ADGRV1: variants seen among roughly 807,000 people sequenced by gnomAD.
The protein encoded by ADGRV1 is adhesion G protein-coupled receptor V1.
In ADGRV1, 359 loss-of-function variants were observed where a neutral mutation model predicts 596.2. That is an observed-to-expected ratio of 0.60 (90% CI 0.55 to 0.66). ADGRV1 has a LOEUF of 0.66. Ranked by LOEUF, ADGRV1 falls within the 30% of genes least tolerant of loss-of-function variation. ADGRV1 has a pLI of 0.00. For missense variants in ADGRV1, 7,274 were observed against 7,575.6 expected (o/e 0.96, Z 1.48); for synonymous variants, 2,681 against 2,679.2 (o/e 1.00, Z -0.02).
At chr5:90,742,335 T>C (rs1277336218) in intron 50 of ADGRV1, among the ~76,000 whole-genome samples, 1 of 152,124 alleles carries the variant, frequency 6.6e-6, no homozygotes, top group East Asian at 1.9e-4. Context: ...GAGAATTATA[T>C]GTTGAGTAGG....
At chr5:90,690,110 G>T in intron 30 of ADGRV1, 34 bp downstream of exon 30, 1 of 1,168,234 alleles carries the variant, frequency 8.6e-7, no homozygotes, top group Non-Finnish European at 1.3e-6. Context: ...TCTTTGACTT[G>T]TCTGCATGTA....
intron 85 of ADGRV1, among the ~76,000 whole-genome samples, chr5:91,068,164 A>G (rs1162385456): frequency 6.6e-6 from 1 of 152,180 alleles, no homozygotes; most frequent in Non-Finnish European, 1.5e-5. Context: ...AATTAGAAAT[A>G]GTATCTGAGT....
At chr5:90,879,957 A>G (rs78456699) in intron 83 of ADGRV1, among the ~76,000 whole-genome samples, 2,436 of 152,136 alleles carry the variant, frequency 0.016, 67 homozygotes, top group African/African-American at 0.056. Flanking sequence ...TCTCAAAATA[A>G]CAATAATAAT....
At chr5:90,647,405 C>G (rs911510253) in intron 16 of ADGRV1, 93 bp from the exon 17 acceptor site, 9 of 1,322,982 alleles carry the variant, frequency 6.8e-6, no homozygotes, top group Non-Finnish European at 7.3e-6. Flanking sequence ...TACAAGGCTT[C>G]TCTCTTGGAG....
At chr5:90,980,024 A>C (rs1779958197) in intron 84 of ADGRV1, among the ~76,000 whole-genome samples, 1 of 152,198 alleles carries the variant, frequency 6.6e-6, no homozygotes, top group Admixed American at 6.5e-5. Context: ...TGTAATAGGA[A>C]ATTTTCAAAA....
chr5:90,685,347 C>T (rs1436919917), intron 28 of ADGRV1, among the ~76,000 whole-genome samples: 1 of 152,052 alleles, frequency 6.6e-6, no homozygotes, highest in African/African-American at 2.4e-5. Context: ...CTTTGGGAGG[C>T]CGAGGCAGGC....
intron 86 of ADGRV1, among the ~76,000 whole-genome samples, chr5:91,078,889 CA>C (rs1789083896): frequency 6.6e-6 from 1 of 152,334 alleles, no homozygotes; most frequent in South Asian, 2.1e-4. Context: ...TTGAAGCAGT[CA>C]GTAGCTGAAA....
intron 21 of ADGRV1, among the ~76,000 whole-genome samples, chr5:90,661,057 G>T (rs1770210933): frequency 6.6e-6 from 1 of 152,174 alleles, no homozygotes; most frequent in Non-Finnish European, 1.5e-5. Flanking sequence ...TTCCAAGTGG[G>T]ATCTGTATTG....
At position 90,608,776 on chromosome 5, in the gene ADGRV1, A is replaced by G. The variant is rs1762400879; in HGVS notation, c.23-6059A>G. On this transcript the variant is annotated intron_variant, in intron 1 of 89. Transcript: ENST00000405460. ...GGATGAAACACAGGAAAGGATTCAAAGAGATTCCAGGATGATAGAAACAAG... is the reference window on the plus strand; with the variant it reads ...GGATGAAACACAGGAAAGGATTCAAGGAGATTCCAGGATGATAGAAACAAG... Among the ~76,000 whole-genome samples the G allele has an allele frequency of 2.6e-5, 4 of 152,208 alleles. No homozygotes were observed. In the South Asian group the frequency reaches 6.2e-4, roughly 24 times the overall value.
At position 90,653,190 on chromosome 5, in the gene ADGRV1, A is replaced by G; in HGVS notation, c.3635-19A>G. 1 of 1,568,838 alleles carries G rather than the reference A, an allele frequency of 6.4e-7. No individual in the cohort carries two copies. Among genetic ancestry groups the G allele is most frequent in the Non-Finnish European group, 8.6e-7 (1 of 1,157,536 alleles). On this transcript the variant is annotated intron_variant, in intron 19 of 89. Transcript: ENST00000405460. ...TACTTGAAATTCTAGTTTCTCACTC[A>G]TAAATTTTCTTGTTACAGGTGGATC...
chr5:90,966,503 G>A (rs1367058723), intron 84 of ADGRV1, among the ~76,000 whole-genome samples: 1 of 136,762 alleles, frequency 7.3e-6, no homozygotes, highest in Non-Finnish European at 1.5e-5. Flanking sequence ...TTGCACTCCA[G>A]CCTGGGCGAG....
chr5:90,711,840 G>T (rs1310872398), intron 41 of ADGRV1, among the ~76,000 whole-genome samples: 1 of 152,042 alleles, frequency 6.6e-6, no homozygotes, highest in Non-Finnish European at 1.5e-5. Context: ...GCAGTGGTGC[G>T]ATCTCGGCTC....
chr5:90,720,965 T>C lies in ADGRV1; in HGVS notation c.9654T>C (p.Asn3218=). The change falls in exon 45 of 90, where the codon AAT becomes AAC. Residue 3218 remains asparagine (N), a synonymous_variant. Coordinates refer to ENST00000405460, the MANE Select transcript of ADGRV1 (RefSeq NM_032119.4). ...RATSIDIEEA[N]RTVYLNVSRT... is the part of the protein sequence containing the mutation. ...CCTCCATAGACATCGAAGAAGCCAA[T>C]AGGACCGTGTATTTAAATGTATCTC... The C allele has an allele frequency of 1.2e-6, 2 of 1,612,154 alleles. No individual in the cohort carries two copies. The highest frequency in any genetic ancestry group is 1.7e-6 in the Non-Finnish European group (2 of 1,178,700).
chr5:91,034,817 G>C lies in ADGRV1; in HGVS notation c.18153-37630G>C, dbSNP rs77224964. On this transcript the variant is annotated intron_variant, in intron 85 of 89. Coordinates refer to ENST00000405460, the MANE Select transcript of ADGRV1 (RefSeq NM_032119.4). Reference sequence around the variant, plus strand: ...TGGTGGACATCCTCTTTATCCCCCTGTTATGTTGCCAAGGCTGGAGTGCAG... The same window carrying C: ...TGGTGGACATCCTCTTTATCCCCCTCTTATGTTGCCAAGGCTGGAGTGCAG... 3.7e-3 allele frequency among the ~76,000 whole-genome samples: 556 copies of C among 152,228 alleles called. 3 individuals carry two copies. Among genetic ancestry groups the C allele is most frequent in the African/African-American group, 0.013 (533 of 41,542 alleles).
chr5:91,043,863 C>G (rs542358739), intron 85 of ADGRV1, among the ~76,000 whole-genome samples: 1 of 151,740 alleles, frequency 6.6e-6, no homozygotes, highest in South Asian at 2.1e-4. Flanking sequence ...TTTCACTGTT[C>G]CTATTTGCTG....
rs5869513 is a variant in ADGRV1, at chr5:90,662,187, C to CTTTTTTTTTTTTTTTT, written c.4752+3914_4752+3929dup. On this transcript the variant is annotated intron_variant, in intron 21 of 89. Coordinates refer to ENST00000405460, the MANE Select transcript of ADGRV1 (RefSeq NM_032119.4). ...TGTTTAATCATTTTTGGTTAAACAACTTTTTTTTTTTTTTTTTTTTGAGAC... is the reference window on the plus strand; with the variant it reads ...TGTTTAATCATTTTTGGTTAAACAACTTTTTTTTTTTTTTTTTTTTTTTTTTTTTTTTTTTTGAGAC... Among the ~76,000 whole-genome samples the CTTTTTTTTTTTTTTTT allele has an allele frequency of 2.3e-5, 3 of 130,868 alleles. 1 individual carries two copies. The allele number at this position is 130,868 out of a possible 152,430, so 85.9% of individuals were successfully genotyped here.
Position 90,705,506 on chromosome 5 carries a change from A to G in ADGRV1, c.8493A>G (p.Ser2831=), listed in dbSNP as rs1172391105. ...EPHGVLNFAL[S]SRFVLLQEAN... ...ATGGAGTTTTAAATTTTGCTCTTTC[A>G]TCAAGATTTGTGTTACTACAAGAGG... Residue 2831 remains serine, a synonymous_variant, in exon 37 of 90, where the codon TCA becomes TCG. Transcript: ENST00000405460. 2 of 1,613,954 alleles carry G rather than the reference A, an allele frequency of 1.2e-6. No homozygotes were observed. Among genetic ancestry groups the G allele is most frequent in the Admixed American group, 3.3e-5 (2 of 60,022 alleles).
chr5:90,969,765 G>T (rs183522547), intron 84 of ADGRV1, among the ~76,000 whole-genome samples: 136 of 152,328 alleles, frequency 8.9e-4, no homozygotes, highest in African/African-American at 3.2e-3. Context: ...TGGCCAAATA[G>T]GAATAGCTCC....
intron 85 of ADGRV1, among the ~76,000 whole-genome samples, chr5:91,062,147 T>C (rs937448943): frequency 6.6e-6 from 1 of 152,132 alleles, no homozygotes; most frequent in Non-Finnish European, 1.5e-5. Context: ...CTGAACCCTC[T>C]TCTTCTTCTC....
Sources: gnomAD v4.1 joint callset for allele counts (sites outside exome capture counted in the v4.1 genomes callset) on GRCh38, gnomAD v4.1.1 for gene constraint, MANE v1.5 for transcripts, NCBI Gene and HGNC (gene_info 2026-07-23, HGNC 2026-07-21) for gene names.